The following TNFSF4 variants were observed in gnomAD, a reference collection of about 807,000 sequenced individuals.
TNFSF4 encodes the protein TNF superfamily member 4, also known as tumor necrosis factor ligand superfamily member 4.
A neutral mutation model predicts 7.3 loss-of-function variants in TNFSF4; 4 were observed. The observed-to-expected ratio is 0.55, with a 90% CI of 0.27 to 1.25. The LOEUF is 1.25. Ranked by LOEUF, TNFSF4 falls within the 50% of genes most tolerant of loss-of-function variation. The pLI is 0.12. For missense variants in TNFSF4, 181 were observed against 208.8 expected, an observed-to-expected ratio of 0.87 and a Z score of 0.82; for synonymous variants, 76 against 83.7, an observed-to-expected ratio of 0.91 and a Z score of 0.50.
the TNFSF4 span, among the ~76,000 whole-genome samples, chr1:173,230,019 G>C: frequency 1.2e-4 from 18 of 151,938 alleles, no homozygotes; most frequent in Admixed American, 3.9e-4. Context: ...CATTAGACAG[G>C]TCAACAAGAC....
chr1:173,343,254 A>T, the TNFSF4 span, among the ~76,000 whole-genome samples: 2 of 152,244 alleles, frequency 1.3e-5, no homozygotes, highest in Non-Finnish European at 2.9e-5. Context: ...CAAAAGCAGG[A>T]GATGGGAATT....
chr1:173,311,775 C>T, the TNFSF4 span, among the ~76,000 whole-genome samples: 1 of 152,056 alleles, frequency 6.6e-6, no homozygotes, highest in African/African-American at 2.4e-5. Flanking sequence ...ATGAAGCTTA[C>T]CATCATGCCA....
At chr1:173,382,686 T>G in the TNFSF4 span, among the ~76,000 whole-genome samples, 1 of 152,202 alleles carries the variant, frequency 6.6e-6, no homozygotes, top group Non-Finnish European at 1.5e-5. Context: ...TGATTCCTAT[T>G]CTTTTTCACA....
chr1:173,190,962 A>T (rs1557879918), intron 1 of TNFSF4, among the ~76,000 whole-genome samples: 3 of 152,202 alleles, frequency 2.0e-5, no homozygotes, highest in African/African-American at 7.2e-5. Flanking sequence ...TCCATGATTT[A>T]GATTTTAGAA....
the TNFSF4 span, among the ~76,000 whole-genome samples, chr1:173,285,274 A>G: frequency 1.3e-5 from 2 of 152,164 alleles, no homozygotes; most frequent in Non-Finnish European, 2.9e-5. Flanking sequence ...TGCTGCAATT[A>G]TATGCTAAAA....
chr1:173,426,862 A>T, the TNFSF4 span, among the ~76,000 whole-genome samples: 3 of 152,106 alleles, frequency 2.0e-5, no homozygotes, highest in Admixed American at 1.3e-4. Flanking sequence ...CCAAAGTGTT[A>T]GGATTACAGG....
the TNFSF4 span, among the ~76,000 whole-genome samples, chr1:173,405,761 C>T: frequency 6.6e-6 from 1 of 152,178 alleles, no homozygotes; most frequent in African/African-American, 2.4e-5. Flanking sequence ...AATTCTGGCC[C>T]TAAACATCTC....
the TNFSF4 span, among the ~76,000 whole-genome samples, chr1:173,227,361 T>G: frequency 6.6e-6 from 1 of 152,354 alleles, no homozygotes; most frequent in South Asian, 2.1e-4. Flanking sequence ...TTGATCACCA[T>G]TTCTTCTTGC....
chr1:173,299,519 T>TTCTTTG, the TNFSF4 span, among the ~76,000 whole-genome samples: 3 of 151,880 alleles, frequency 2.0e-5, no homozygotes, highest in African/African-American at 7.2e-5. Flanking sequence ...CCACGGGAAA[T>TTCTTTG]ATTCAAACAA....
At chr1:173,202,985 A>T (rs1650010684) in intron 1 of TNFSF4, among the ~76,000 whole-genome samples, 1 of 151,758 alleles carries the variant, frequency 6.6e-6, no homozygotes, top group Non-Finnish European at 1.5e-5. Flanking sequence ...TCATCTTCCC[A>T]TTGTCCCTTG....
chr1:173,325,964 T>G, the TNFSF4 span, among the ~76,000 whole-genome samples: 1 of 152,204 alleles, frequency 6.6e-6, no homozygotes, highest in African/African-American at 2.4e-5. Context: ...CCATTCCTTC[T>G]AAAACTATTC....
the TNFSF4 span, among the ~76,000 whole-genome samples, chr1:173,433,388 A>G: frequency 6.6e-6 from 1 of 152,084 alleles, no homozygotes. Flanking sequence ...TAAGTAAACA[A>G]ACATCTCTTA....
the TNFSF4 span, among the ~76,000 whole-genome samples, chr1:173,447,954 C>G: frequency 6.6e-6 from 1 of 152,012 alleles, no homozygotes; most frequent in Non-Finnish European, 1.5e-5. Flanking sequence ...CATACAAACA[C>G]TAATCGAAAG....
At chr1:173,307,334 T>C in the TNFSF4 span, among the ~76,000 whole-genome samples, 1 of 151,954 alleles carries the variant, frequency 6.6e-6, no homozygotes, top group South Asian at 2.1e-4. Context: ...AATCTAATCA[T>C]GAAGAAAAAG....
At chr1:173,412,594 C>T in the TNFSF4 span, among the ~76,000 whole-genome samples, 1 of 152,114 alleles carries the variant, frequency 6.6e-6, no homozygotes, top group Non-Finnish European at 1.5e-5. Flanking sequence ...ATGTATTTAG[C>T]AAAGGACTCA....
the TNFSF4 span, among the ~76,000 whole-genome samples, chr1:173,414,266 C>G: frequency 9.2e-5 from 14 of 152,240 alleles, no homozygotes; most frequent in Admixed American, 4.6e-4. Context: ...AGACGGCCAC[C>G]TTCTCACTGT....
At chr1:173,425,939 T>C in the TNFSF4 span, among the ~76,000 whole-genome samples, 1 of 152,204 alleles carries the variant, frequency 6.6e-6, no homozygotes, top group Non-Finnish European at 1.5e-5. Flanking sequence ...GAACTCTTTC[T>C]CTCCCCTGTT....
At chr1:173,441,523 C>A in the TNFSF4 span, among the ~76,000 whole-genome samples, 1 of 152,132 alleles carries the variant, frequency 6.6e-6, no homozygotes, top group Non-Finnish European at 1.5e-5. Flanking sequence ...ACTAGGGAGG[C>A]TGAAGCATGA....
the TNFSF4 span, among the ~76,000 whole-genome samples, chr1:173,430,956 G>C: frequency 3.3e-5 from 5 of 152,178 alleles, no homozygotes; most frequent in Non-Finnish European, 7.4e-5. Context: ...GAATCCATTT[G>C]TCATGCAAAT....
Sources: allele counts gnomAD v4.1 joint callset (sites outside exome capture counted in the v4.1 genomes callset), GRCh38; gene constraint gnomAD v4.1.1; transcripts MANE v1.5; gene names NCBI Gene and HGNC (gene_info 2026-07-23, HGNC 2026-07-21).